The following SUCO variants were observed in gnomAD, a reference collection of about 807,000 sequenced individuals.
The protein encoded by SUCO is SUN domain-containing ossification factor.
In SUCO, 57 loss-of-function variants were observed where a neutral mutation model predicts 148.1. The ratio of observed to expected loss-of-function variants is 0.38; its 90% CI spans 0.31 to 0.48. The LOEUF (loss-of-function observed/expected upper bound fraction) is 0.48. Ranked by LOEUF, SUCO falls within the 20% of genes least tolerant of loss-of-function variation. The pLI is 0.96. For missense variants in SUCO, 1,331 were observed against 1,468.2 expected (o/e 0.91, Z 1.53); for synonymous variants, 470 against 502.7 (o/e 0.93, Z 0.87).
intron 15 of SUCO, 134 bp from the exon 16 acceptor site, chr1:172,584,884 T>C (rs1656129507): frequency 2.2e-5 from 12 of 537,424 alleles, no homozygotes; most frequent in Middle Eastern, 5.0e-4. Context: ...TGGACTTTAG[T>C]TGTGAGGTGA....
At chr1:172,563,120 G>A (rs563719488) in intron 6 of SUCO, among the ~76,000 whole-genome samples, 6 of 152,186 alleles carry the variant, frequency 3.9e-5, no homozygotes, top group East Asian at 1.9e-4. Context: ...TCTTTTCTTC[G>A]TAAAACACCT....
Position 172,588,277 on chromosome 1 carries a change from A to G in SUCO, c.1659-483A>G, listed in dbSNP as rs144836142. ...CTGCCTTTTGAAAATAGGGTATTCA[A>G]GTACAAAGTGCACTCATAAATATTA... On this transcript the variant is annotated intron_variant, in intron 17 of 23. Coordinates refer to ENST00000263688, the MANE Select transcript of SUCO (RefSeq NM_014283.5). 2.6e-4 allele frequency: 253 copies of G among 985,314 alleles called. 1 individual carries two copies. The African/African-American group carries it at 3.5e-3, about 14-fold the overall frequency. 61.0% of individuals were successfully genotyped at this position (985,314 alleles called of 1,614,324 possible). A position where few individuals can be genotyped will look rare whatever the true frequency, so the allele number is the denominator to read the frequency against.
intron 6 of SUCO, among the ~76,000 whole-genome samples, chr1:172,561,577 G>A (rs1418740713): frequency 6.6e-6 from 1 of 152,076 alleles, no homozygotes; most frequent in Non-Finnish European, 1.5e-5. Flanking sequence ...TCTGCGGTTG[G>A]GCCTTAGCAT....
chr1:172,586,852 T>G (rs1411211713), intron 17 of SUCO, among the ~76,000 whole-genome samples: 5 of 152,148 alleles, frequency 3.3e-5, no homozygotes, highest in Non-Finnish European at 1.5e-5. Context: ...GTGTTAATCC[T>G]GAAAGTTACT....
At chr1:172,562,936 C>G (rs994542589) in intron 6 of SUCO, among the ~76,000 whole-genome samples, 1 of 152,098 alleles carries the variant, frequency 6.6e-6, no homozygotes, top group Non-Finnish European at 1.5e-5. Context: ...CTCACAAGAT[C>G]TAGTTTAAAA....
chr1:172,574,020 A>C, intron 10 of SUCO, 22 bp downstream of exon 10: 2 of 1,374,418 alleles, frequency 1.5e-6, no homozygotes, highest in African/African-American at 1.4e-5. Flanking sequence ...AGCTGTTTCT[A>C]TAGGGTCTAT....
upstream of SUCO, chr1:172,532,569 C>A (rs77025284): frequency 6.2e-6 from 10 of 1,613,926 alleles, no homozygotes; most frequent in Admixed American, 5.0e-5. Context: ...GGTGCAGCTT[C>A]CCTCACAACA....
At position 172,556,899 on chromosome 1, in the gene SUCO, A is replaced by C. The variant is rs1653795714; in HGVS notation, c.444-381A>C. On this transcript the variant is annotated intron_variant, in intron 4 of 23. Coordinates refer to ENST00000263688, the MANE Select transcript of SUCO (RefSeq NM_014283.5). ...AAAAATAGGAAGGTTTATATTTTAA[A>C]AACGAAATTCTAAGAACACCTTAAA... 1.3e-5 allele frequency: 12 copies of C among 943,594 alleles called. No individual in the cohort carries two copies. The South Asian group carries it at 3.4e-4, about 27-fold the overall frequency. 58.5% of individuals were successfully genotyped at this position (943,594 alleles called of 1,614,324 possible).
chr1:172,559,159 C>G (rs1653957989), intron 6 of SUCO, among the ~76,000 whole-genome samples: 1 of 152,140 alleles, frequency 6.6e-6, no homozygotes, highest in African/African-American at 2.4e-5. Flanking sequence ...CTGTGAGACA[C>G]TGATTGCCGT....
intron 19 of SUCO, among the ~76,000 whole-genome samples, chr1:172,596,354 A>C (rs531496331): frequency 6.6e-6 from 1 of 152,320 alleles, no homozygotes; most frequent in South Asian, 2.1e-4. Flanking sequence ...TTGGAGGAGA[A>C]GAGGCGCTCT....
intron 1 of SUCO, chr1:172,542,956 G>C (rs2149219843): frequency 1.0e-6 from 1 of 985,298 alleles, no homozygotes; most frequent in South Asian, 4.7e-5. Flanking sequence ...TTTGGGAGTG[G>C]AGAATAATAG....
intron 10 of SUCO, 72 bp from the exon 11 acceptor site, chr1:172,575,446 G>A: frequency 9.1e-7 from 1 of 1,096,112 alleles, no homozygotes; most frequent in Middle Eastern, 2.3e-4. Flanking sequence ...ATTATATTTT[G>A]AAAATATGAT....
chr1:172,536,202 A>G (rs1402314671), intron 1 of SUCO, among the ~76,000 whole-genome samples: 1 of 152,236 alleles, frequency 6.6e-6, no homozygotes, highest in Non-Finnish European at 1.5e-5. Context: ...AAGTTTAAGC[A>G]GCTGTTAAGC....
In SUCO at chr1:172,555,883, AAAGTT is replaced by A. The variant is rs1316992067; in HGVS notation, c.308_312del (p.Leu103SerfsTer11). 6.2e-7 allele frequency: 1 copy of A among 1,611,222 alleles called. No homozygotes were observed. The highest frequency in any genetic ancestry group is 8.5e-7 in the Non-Finnish European group (1 of 1,178,602). Reference sequence around the variant, plus strand: ...TTTTTAAACAGAATACAGAGTCAAAAAAGTTAAGTCCACCGGTGGTGGAGACACTC... The same window carrying A: ...TTTTTAAACAGAATACAGAGTCAAAAAAGTCCACCGGTGGTGGAGACACTC... On this transcript the variant is annotated frameshift_variant, in exon 4 of 24. Coordinates refer to ENST00000263688, the MANE Select transcript of SUCO (RefSeq NM_014283.5). LOFTEE classifies it high-confidence loss of function.
At chr1:172,594,397 A>T (rs1386563064) in intron 19 of SUCO, among the ~76,000 whole-genome samples, 1 of 151,842 alleles carries the variant, frequency 6.6e-6, no homozygotes, top group Non-Finnish European at 1.5e-5. Context: ...GATCTTTCTT[A>T]CTTTTTCTTG....
At position 172,570,025 on chromosome 1, in the gene SUCO, TATA is replaced by T; in HGVS notation, c.857-17_857-15del. ...ATCATCAAATATATATATAAATATTTATAATAACGGTTTGTCTGCAGGTCAGTC... is the reference window on the plus strand; with the variant it reads ...ATCATCAAATATATATATAAATATTTATAACGGTTTGTCTGCAGGTCAGTC... On this transcript the variant is annotated intron_variant, in intron 7 of 23. Coordinates refer to ENST00000263688, the MANE Select transcript of SUCO (RefSeq NM_014283.5). The T allele has an allele frequency of 7.3e-7, 1 of 1,371,406 alleles. No homozygotes were observed. The highest frequency in any genetic ancestry group is 9.5e-7 in the Non-Finnish European group (1 of 1,057,936). 85.0% of individuals were successfully genotyped at this position (1,371,406 alleles called of 1,614,324 possible). A position where few individuals can be genotyped will look rare whatever the true frequency, so the allele number is the denominator to read the frequency against.
intron 22 of SUCO, among the ~76,000 whole-genome samples, chr1:172,605,970 A>G (rs777957323): frequency 1.1e-4 from 16 of 151,530 alleles, no homozygotes; most frequent in Non-Finnish European, 4.4e-5. Context: ...TTTTGTCATT[A>G]TGTGTTACCT....
rs756444558 is a variant in SUCO, at chr1:172,589,851, G to A, written c.2750G>A (p.Arg917Lys). ...AACCAAAAGGAGTCAGTATTTATGA[G>A]ACTTAATAATCGTATTAAAGCCTTA... The part of the protein sequence containing the change: ...GSNQKESVFM[R>K]LNNRIKALEV... Residue 917 changes from arginine to lysine, a missense_variant, in exon 18 of 24, where the codon AGA becomes AAA. Around this residue, in one of 3 missense-constraint regions of SUCO, gnomAD observed 992 missense variants for 1,093.5 expected, o/e 0.91. Transcript: ENST00000263688. 3.1e-6 allele frequency: 5 copies of A among 1,599,488 alleles called. No individual in the cohort carries two copies. Among genetic ancestry groups the A allele is most frequent in the Non-Finnish European group, 2.6e-6 (3 of 1,175,436 alleles).
chr1:172,555,461 A>G (rs964136113), intron 3 of SUCO: 2 of 958,732 alleles, frequency 2.1e-6, no homozygotes, highest in African/African-American at 1.8e-5. Flanking sequence ...CATATCTTAT[A>G]TCGTTGCTTA....
Sources: allele counts gnomAD v4.1 joint callset (sites outside exome capture counted in the v4.1 genomes callset), GRCh38; gene constraint gnomAD v4.1.1; regional missense constraint gnomAD v4.1.1; transcripts MANE v1.5; gene names NCBI Gene and HGNC (gene_info 2026-07-23, HGNC 2026-07-21).